Variants in DOCK8 observed in about 807,000 individuals in gnomAD.
DOCK8 encodes dedicator of cytokinesis protein 8.
Under a neutral mutation model 245.6 loss-of-function variants are expected in DOCK8, and 141 were observed. That is an observed-to-expected ratio of 0.57 (90% confidence interval 0.50 to 0.66). The LOEUF is 0.66. DOCK8 is among the 30% of genes least tolerant of loss of function. The pLI is 0.00. For synonymous variants in DOCK8, 1,168 were observed against 970.2 expected, an observed-to-expected ratio of 1.20 and a Z score of -3.79; for missense variants, 2,965 against 2,603.4, an observed-to-expected ratio of 1.14 and a Z score of -3.02.
rs772108214 is a variant in DOCK8, at chr9:435,012, T to A, written c.5079+37T>A. ...GCAGCTTTTCCCTTAGAGCAGTGGT[T>A]CTCAACTGGGGCGATTTTGTCCCCC... On this transcript the variant is annotated intron_variant, in intron 39 of 47. Coordinates refer to ENST00000432829, the MANE Select transcript of DOCK8 (RefSeq NM_203447.4). 14 of 1,607,798 alleles carry A rather than the reference T, an allele frequency of 8.7e-6. No individual in the cohort carries two copies. The South Asian group carries it at 1.5e-4, about 18-fold the overall frequency.
At chr9:416,328 C>T (rs573301826) in intron 29 of DOCK8, among the ~76,000 whole-genome samples, 1 of 152,198 alleles carries the variant, frequency 6.6e-6, no homozygotes, top group Non-Finnish European at 1.5e-5. Flanking sequence ...TCCTTGATGG[C>T]AAGTTTCTAA....
chr9:314,939 G>A (rs1240162988), intron 6 of DOCK8, among the ~76,000 whole-genome samples: 5 of 152,154 alleles, frequency 3.3e-5, no homozygotes, highest in Non-Finnish European at 5.9e-5. Context: ...TATAAGGCAA[G>A]TTCTTTCCCT....
At chr9:317,001 C>T (rs774463132) in intron 6 of DOCK8, 42 bp from the exon 7 acceptor site, 1 of 1,502,506 alleles carries the variant, frequency 6.7e-7, no homozygotes, top group Non-Finnish European at 9.3e-7. Context: ...GAGCTCCCCA[C>T]AGAATTCACT....
chr9:293,476 C>G (rs112183071), intron 4 of DOCK8, among the ~76,000 whole-genome samples: 8 of 152,312 alleles, frequency 5.3e-5, no homozygotes, highest in African/African-American at 1.9e-4. Context: ...GGTGGTGATT[C>G]ATATAAATGA....
At chr9:267,093 T>C (rs1587690980) in intron 1 of DOCK8, among the ~76,000 whole-genome samples, 1 of 152,360 alleles carries the variant, frequency 6.6e-6, no homozygotes, top group East Asian at 1.9e-4. Context: ...ATATGTTCTT[T>C]TGGGACTGAA....
intron 4 of DOCK8, among the ~76,000 whole-genome samples, chr9:303,730 C>G (rs986380799): frequency 1.1e-4 from 16 of 152,164 alleles, no homozygotes; most frequent in South Asian, 2.1e-4. Flanking sequence ...ATGCATACAT[C>G]AAACCTAAGT....
At chr9:407,143 C>G (rs953326784) in intron 28 of DOCK8, 74 bp downstream of exon 28, 23 of 1,591,962 alleles carry the variant, frequency 1.4e-5, no homozygotes, top group Non-Finnish European at 1.8e-5. Context: ...TGCAGTCTAG[C>G]TTCTCACACT....
chr9:315,420 A>G (rs1586680598), intron 6 of DOCK8, among the ~76,000 whole-genome samples: 1 of 152,210 alleles, frequency 6.6e-6, no homozygotes, highest in Non-Finnish European at 1.5e-5. Flanking sequence ...CAAATGTCAT[A>G]TGTGGACCTT....
chr9:316,503 A>G (rs879541364), intron 6 of DOCK8, among the ~76,000 whole-genome samples: 1 of 152,222 alleles, frequency 6.6e-6, no homozygotes, highest in Non-Finnish European at 1.5e-5. Flanking sequence ...AAGCCTGTCT[A>G]GAACTTGTCA....
At chr9:365,847 A>G in intron 14 of DOCK8, 1 of 353,766 alleles carries the variant, frequency 2.8e-6, no homozygotes, top group South Asian at 2.2e-5. Flanking sequence ...AGGGGTCTGT[A>G]CCCCACACAC....
In DOCK8 at chr9:355,192, C is replaced by CTTTTT. The variant is rs749045514; in HGVS notation, c.1680-12800_1680-12796dup. On this transcript the variant is annotated intron_variant, in intron 14 of 47. Coordinates refer to ENST00000432829, the MANE Select transcript of DOCK8 (RefSeq NM_203447.4). The stretch of plus-strand genomic sequence containing the variant: ...AGACTGGTGTATTTCTGTTTCTTTT[C>CTTTTT]TTTTTTTTTTTTTTTTTTTTTTTTT... 7.1e-3 allele frequency among the ~76,000 whole-genome samples: 858 copies of CTTTTT among 120,558 alleles called. 1 individual carries two copies. The highest frequency in any genetic ancestry group is 0.01 in the Non-Finnish European group (605 of 59,606). 79.1% of individuals were successfully genotyped at this position (120,558 alleles called of 152,430 possible).
chr9:331,196 A>G (rs146447053), intron 9 of DOCK8, among the ~76,000 whole-genome samples: 2 of 152,324 alleles, frequency 1.3e-5, no homozygotes, highest in Admixed American at 6.5e-5. Flanking sequence ...CTGCTACCAT[A>G]TAGAAGGTAC....
At chr9:220,072 G>C (rs1423037844) in intron 1 of DOCK8, among the ~76,000 whole-genome samples, 2 of 152,228 alleles carry the variant, frequency 1.3e-5, no homozygotes, top group Non-Finnish European at 2.9e-5. Flanking sequence ...CTGTTCCTCA[G>C]TAGTGGGGGT....
chr9:316,388 C>T (rs761043720), intron 6 of DOCK8, among the ~76,000 whole-genome samples: 2 of 152,154 alleles, frequency 1.3e-5, no homozygotes. Context: ...CTTGATATTT[C>T]TCTTTAAGTG....
chr9:410,682 C>T (rs2055680797), intron 28 of DOCK8, among the ~76,000 whole-genome samples: 1 of 151,998 alleles, frequency 6.6e-6, no homozygotes, highest in Non-Finnish European at 1.5e-5. Flanking sequence ...GAAGAGCAAA[C>T]AAGTCAAAGC....
intron 20 of DOCK8, among the ~76,000 whole-genome samples, chr9:378,893 C>G (rs1028064076): frequency 5.9e-5 from 9 of 152,196 alleles, no homozygotes; most frequent in African/African-American, 2.2e-4. Flanking sequence ...CACAGACAGA[C>G]AGTTTACCAC....
intron 5 of DOCK8, among the ~76,000 whole-genome samples, chr9:311,607 T>A (rs17721433): frequency 0.16 from 24,206 of 151,996 alleles, 2,176 homozygotes; most frequent in Admixed American, 0.23. Flanking sequence ...GTGTGAGACA[T>A]GAGCATGGTT....
chr9:463,654 A>G lies in DOCK8; in HGVS notation c.6206A>G (p.Tyr2069Cys). 1 of 1,613,774 alleles carries G rather than the reference A, an allele frequency of 6.2e-7. No individual in the cohort carries two copies. ...ATCGAGCGGAAAATTCCAGAACTGT[A>G]CAAGCCAATATTCAGAGTTGAGAGT... ...PMIERKIPELYKPIFRVESQK... is the reference protein window; with the variant it reads ...PMIERKIPELCKPIFRVESQK... Residue 2069 changes from tyrosine (Y) to cysteine (C), a missense_variant, in exon 47 of 48, where the codon TAC becomes TGC. Around this residue, in one of 3 missense-constraint regions of DOCK8, gnomAD observed 134 missense variants for 128.1 expected, o/e 1.05. Transcript: ENST00000432829.
intron 4 of DOCK8, among the ~76,000 whole-genome samples, chr9:298,906 A>T (rs2049399280): frequency 6.6e-6 from 1 of 152,058 alleles, no homozygotes; most frequent in Non-Finnish European, 1.5e-5. Flanking sequence ...CTTAAAAAAA[A>T]AAAAAAGGCA....
Sources: allele counts gnomAD v4.1 joint callset (sites outside exome capture counted in the v4.1 genomes callset), GRCh38; gene constraint gnomAD v4.1.1; regional missense constraint gnomAD v4.1.1; transcripts MANE v1.5; gene names NCBI Gene and HGNC (gene_info 2026-07-23, HGNC 2026-07-21).